The following CREBRF variants were observed in gnomAD, a reference collection of about 807,000 sequenced individuals.
CREBRF encodes the protein CREB3 regulatory factor.
CREBRF carries 5 observed loss-of-function variants against 66.1 expected under a neutral mutation model. The ratio of observed to expected loss-of-function variants is 0.08; its 90% CI spans 0.04 to 0.16. The LOEUF (loss-of-function observed/expected upper bound fraction) is 0.16, where lower values mean the gene tolerates loss of function less well. Ranked by LOEUF, CREBRF falls within the 10% of genes least tolerant of loss-of-function variation. CREBRF has a pLI of 1.00. For missense variants in CREBRF, 531 were observed against 744.9 expected, an observed-to-expected ratio of 0.71 and a Z score of 3.34; for synonymous variants, 229 against 264.4, an observed-to-expected ratio of 0.87 and a Z score of 1.30.
intron 3 of CREBRF, among the ~76,000 whole-genome samples, chr5:173,088,596 T>C (rs571190585): frequency 2.6e-5 from 4 of 151,792 alleles, no homozygotes; most frequent in Non-Finnish European, 5.9e-5. Flanking sequence ...TGGAAAACAT[T>C]GAGCAAGGCA....
intron 6 of CREBRF, among the ~76,000 whole-genome samples, chr5:173,111,014 T>C (rs113462818): frequency 0.057 from 8,713 of 152,260 alleles, 546 homozygotes; most frequent in Non-Finnish European, 0.069. Context: ...CTATAACTTA[T>C]AGTAAAATGT....
At chr5:173,078,202 T>G (rs999663315) in intron 1 of CREBRF, among the ~76,000 whole-genome samples, 1 of 152,232 alleles carries the variant, frequency 6.6e-6, no homozygotes, top group Non-Finnish European at 1.5e-5. Context: ...TTTCTCTATA[T>G]CCTTGCCAAT....
intron 1 of CREBRF, among the ~76,000 whole-genome samples, chr5:173,073,592 C>A (rs969854253): frequency 2.0e-5 from 3 of 152,226 alleles, no homozygotes; most frequent in African/African-American, 4.8e-5. Flanking sequence ...AGAAAGCCTC[C>A]AATACCTTGC....
At position 173,135,276 on chromosome 5, in the gene CREBRF, A is replaced by C. The variant is rs369315360; in HGVS notation, c.*1531A>C. 6.6e-6 allele frequency: 1 copy of C among 152,518 alleles called. No individual in the cohort carries two copies. Among genetic ancestry groups the C allele is most frequent in the Non-Finnish European group, 1.5e-5 (1 of 67,950 alleles). The allele number at this position is 152,518 out of a possible 1,614,324, so 9.4% of individuals were successfully genotyped here. ...AACTTAACATGTGACTTATTCTTCT[A>C]TAGTTTCTAGAATTGAGAAACATTA... is the stretch of plus-strand genomic sequence containing the variant. On this transcript the variant is annotated 3_prime_UTR_variant, in exon 9 of 9. Transcript: ENST00000296953.
At chr5:173,079,540 C>A (rs1198341238) in intron 1 of CREBRF, among the ~76,000 whole-genome samples, 1 of 151,488 alleles carries the variant, frequency 6.6e-6, no homozygotes, top group Non-Finnish European at 1.5e-5. Flanking sequence ...GTGCTGACTT[C>A]AGAAGGCAAA....
At chr5:173,109,899 C>A in intron 5 of CREBRF, 1 of 153,822 alleles carries the variant, frequency 6.5e-6, no homozygotes, top group Non-Finnish European at 1.4e-5. Context: ...TCCCAAGTAG[C>A]ATATGAATAC....
At chr5:173,085,866 C>T in intron 2 of CREBRF, 1 of 804,944 alleles carries the variant, frequency 1.2e-6, no homozygotes, top group Non-Finnish European at 2.3e-6. Flanking sequence ...GAGGGGTCAT[C>T]TCTGAGATCA....
rs146211561 is a variant in CREBRF at position 173,091,601 on chromosome 5, A to G, written c.1222+200A>G. The G allele has an allele frequency of 1.1e-4, 145 of 1,310,240 alleles. No homozygotes were observed. The African/African-American group carries it at 2.0e-3, about 18-fold the overall frequency. 81.2% of individuals were successfully genotyped at this position (1,310,240 alleles called of 1,614,324 possible). On this transcript the variant is annotated intron_variant, in intron 4 of 8. Coordinates refer to ENST00000296953, the MANE Select transcript of CREBRF (RefSeq NM_153607.3). The stretch of plus-strand genomic sequence containing the variant: ...ATCACTTTTGCTCACATAGGGATTC[A>G]TAAGCTGATTCCTTGAGGGCTTATT...
chr5:173,106,148 G>T (rs1212432763), intron 4 of CREBRF, among the ~76,000 whole-genome samples: 3 of 152,094 alleles, frequency 2.0e-5, no homozygotes, highest in African/African-American at 7.2e-5. Context: ...GAGCCTAAGG[G>T]GCCAGGTGCG....
chr5:173,100,078 TTGTGTGTGTGTGTG>T (rs749558283), intron 4 of CREBRF, among the ~76,000 whole-genome samples: 6 of 69,134 alleles, frequency 8.7e-5, no homozygotes, highest in East Asian at 3.4e-4. Context: ...GGCTAATCTT[TTGTGTGTGTGTGTG>T]TGTGTGTGTG....
intron 1 of CREBRF, among the ~76,000 whole-genome samples, chr5:173,062,087 AATG>A: frequency 6.6e-6 from 1 of 152,326 alleles, no homozygotes; most frequent in East Asian, 1.9e-4. Flanking sequence ...GGTAGGGATT[AATG>A]ATGTTTTCCA....
chr5:173,122,998 C>T lies in CREBRF; in HGVS notation c.1682-82C>T, dbSNP rs945256144. The T allele has an allele frequency of 6.0e-6, 8 of 1,329,936 alleles. No homozygotes were observed. In the African/African-American group the frequency reaches 9.0e-5, roughly 15 times the overall value. The allele number at this position is 1,329,936 out of a possible 1,614,324, so 82.4% of individuals were successfully genotyped here. ...CACATTTTCTTAATCCAGTCCATTT[C>T]TTAATTATCTGTTATTACATAATTA... On this transcript the variant is annotated intron_variant, in intron 7 of 8. Transcript: ENST00000296953.
intron 3 of CREBRF, among the ~76,000 whole-genome samples, chr5:173,089,756 A>G (rs1337565340): frequency 1.3e-5 from 2 of 152,082 alleles, no homozygotes; most frequent in Non-Finnish European, 2.9e-5. Flanking sequence ...CTTGCAAAAG[A>G]TCTTACCATT....
Position 173,117,693 on chromosome 5 carries a change from C to T in CREBRF, c.1681+5314C>T, listed in dbSNP as rs565617883. ...CTTTTTCTCTCTCTCTCTCTCTCCT[C>T]CTCTTCCCTCCCTCTCCTTCCATCT... On this transcript the variant is annotated intron_variant, in intron 7 of 8. Coordinates refer to ENST00000296953, the MANE Select transcript of CREBRF (RefSeq NM_153607.3). 3.7e-4 allele frequency among the ~76,000 whole-genome samples: 51 copies of T among 137,754 alleles called. 2 individuals carry two copies. The South Asian group carries it at 0.011, about 30-fold the overall frequency. 90.4% of individuals were successfully genotyped at this position (137,754 alleles called of 152,430 possible). A position where few individuals can be genotyped will look rare whatever the true frequency, so the allele number is the denominator to read the frequency against.
chr5:173,118,876 T>C (rs1759070198), intron 7 of CREBRF, among the ~76,000 whole-genome samples: 1 of 151,848 alleles, frequency 6.6e-6, no homozygotes, highest in African/African-American at 2.4e-5. Context: ...CTTGTCTCTA[T>C]TTAAAATTAT....
Position 173,090,987 on chromosome 5 carries a change from G to A in CREBRF, c.808G>A (p.Val270Met), listed in dbSNP as rs1758314562. 1.1e-5 allele frequency: 17 copies of A among 1,614,072 alleles called. No individual in the cohort carries two copies. Among genetic ancestry groups the A allele is most frequent in the Non-Finnish European group, 1.4e-5 (17 of 1,180,042 alleles). ...AKENTCYCGA[V>M]AKRQEKKGME... Reference sequence around the variant, plus strand: ...GGAGAACACCTGCTACTGTGGTGCAGTGGCAAAGAGACAAGAGAAAAAAGG... The same window carrying A: ...GGAGAACACCTGCTACTGTGGTGCAATGGCAAAGAGACAAGAGAAAAAAGG... The change falls in exon 4 of 9, where the codon GTG becomes ATG. Residue 270 changes from valine to methionine, a missense_variant. Physicochemically the swap from Val to Met is conservative, Grantham distance 21 (BLOSUM62 1). Around this residue, in one of 5 missense-constraint regions of CREBRF, gnomAD observed 309 missense variants for 341.4 expected, o/e 0.90. Transcript: ENST00000296953. This position sits in a 1 kb window ranked among gnomAD's most constrained non-coding sequence, Gnocchi z 4.5.
chr5:173,077,247 A>G (rs1757793320), intron 1 of CREBRF, among the ~76,000 whole-genome samples: 1 of 152,118 alleles, frequency 6.6e-6, no homozygotes, highest in Non-Finnish European at 1.5e-5. Context: ...CCTGGCCTGT[A>G]TTCAGGCATT....
At chr5:173,121,698 A>C (rs186152522) in intron 7 of CREBRF, among the ~76,000 whole-genome samples, 9 of 152,154 alleles carry the variant, frequency 5.9e-5, no homozygotes, top group Admixed American at 5.9e-4. Context: ...TTTGTTTTTG[A>C]GGGACTTGGT....
At chr5:173,071,946 T>C (rs1757611003) in intron 1 of CREBRF, among the ~76,000 whole-genome samples, 1 of 151,798 alleles carries the variant, frequency 6.6e-6, no homozygotes, top group Non-Finnish European at 1.5e-5. Flanking sequence ...TCCCAGCTAC[T>C]TGGGAGGCAG....
Sources: allele counts gnomAD v4.1 joint callset (sites outside exome capture counted in the v4.1 genomes callset), GRCh38; gene constraint gnomAD v4.1.1; regional missense constraint gnomAD v4.1.1; non-coding constraint Gnocchi (gnomAD v3.1); transcripts MANE v1.5; gene names NCBI Gene and HGNC (gene_info 2026-07-23, HGNC 2026-07-21).